Variants in CHN1 observed in about 807,000 individuals in gnomAD.
The protein encoded by CHN1 is N-chimaerin.
In CHN1, 37 loss-of-function variants were observed where a neutral mutation model predicts 59.5. The observed-to-expected ratio is 0.62, with a 90% CI of 0.48 to 0.82. The LOEUF (loss-of-function observed/expected upper bound fraction) is 0.82. CHN1 is among the 40% of genes least tolerant of loss of function. The probability of loss-of-function intolerance (pLI) is 0.00; values close to 1 mark genes in which losing one functional copy is unlikely to be tolerated. For synonymous variants in CHN1, 206 were observed against 200.4 expected, an observed-to-expected ratio of 1.03 and a Z score of -0.24; for missense variants, 469 against 571.0, an observed-to-expected ratio of 0.82 and a Z score of 1.82.
chr2:174,923,927 G>A (rs1410456550), intron 3 of CHN1, among the ~76,000 whole-genome samples: 2 of 151,980 alleles, frequency 1.3e-5, no homozygotes, highest in African/African-American at 4.8e-5. Context: ...GCACTATATC[G>A]AAAATAAAAT....
At chr2:174,882,895 A>C (rs1687778366) in intron 5 of CHN1, among the ~76,000 whole-genome samples, 1 of 152,216 alleles carries the variant, frequency 6.6e-6, no homozygotes, top group African/African-American at 2.4e-5. Context: ...TGAACTAAGG[A>C]AGGCTATGGA....
intron 3 of CHN1, among the ~76,000 whole-genome samples, chr2:174,922,267 C>T (rs910910460): frequency 6.6e-6 from 1 of 152,106 alleles, no homozygotes; most frequent in Non-Finnish European, 1.5e-5. Context: ...TCAAAAGAAC[C>T]ATTTAGTAGT....
At chr2:174,916,847 A>G (rs1284593187) in intron 4 of CHN1, among the ~76,000 whole-genome samples, 2 of 152,256 alleles carry the variant, frequency 1.3e-5, no homozygotes, top group East Asian at 1.9e-4. Flanking sequence ...TTAACTTTAC[A>G]TAATATCAAA....
At chr2:174,816,232 A>C (rs1685254830) in intron 8 of CHN1, among the ~76,000 whole-genome samples, 1 of 152,196 alleles carries the variant, frequency 6.6e-6, no homozygotes, top group Non-Finnish European at 1.5e-5. Flanking sequence ...GGTGGAGAAG[A>C]AAGTCAGGAT....
chr2:174,928,779 A>G (rs912927874), intron 3 of CHN1, among the ~76,000 whole-genome samples: 4 of 152,374 alleles, frequency 2.6e-5, no homozygotes, highest in Admixed American at 6.5e-5. Context: ...GCAGTTTTCC[A>G]TTGAAACACA....
chr2:174,850,471 T>A (rs1686692500), intron 6 of CHN1, among the ~76,000 whole-genome samples: 1 of 152,146 alleles, frequency 6.6e-6, no homozygotes, highest in African/African-American at 2.4e-5. Context: ...CTCATCTACA[T>A]AATATGAATA....
intron 3 of CHN1, among the ~76,000 whole-genome samples, chr2:174,923,975 T>G (rs1689091568): frequency 6.6e-6 from 1 of 152,202 alleles, no homozygotes; most frequent in South Asian, 2.1e-4. Context: ...TTTTTATAAT[T>G]GAAATGTCAA....
chr2:174,799,283 C>G lies in CHN1; in HGVS notation c.*833G>C. ...CAGTTTTAAATGATTATTTTAGAAG[C>G]TTATCACTTTTAACAGTAAACAAAA... On this transcript the variant is annotated 3_prime_UTR_variant, in exon 13 of 13. Transcript: ENST00000409900. The G allele has an allele frequency of 3.2e-6, 1 of 314,824 alleles. No individual in the cohort carries two copies. Among genetic ancestry groups the G allele is most frequent in the South Asian group, 3.2e-5 (1 of 31,258 alleles). 19.5% of individuals were successfully genotyped at this position (314,824 alleles called of 1,614,324 possible).
chr2:174,801,946 C>CT, intron 11 of CHN1, 134 bp from the exon 12 acceptor site: 1 of 652,070 alleles, frequency 1.5e-6, no homozygotes, highest in South Asian at 1.7e-5. Flanking sequence ...TTGTCCACAG[C>CT]TTTGGAAATT....
intron 6 of CHN1, among the ~76,000 whole-genome samples, chr2:174,872,024 G>A (rs1687425342): frequency 6.6e-6 from 1 of 152,166 alleles, no homozygotes; most frequent in Non-Finnish European, 1.5e-5. Flanking sequence ...GCTCACGTCT[G>A]TAATCCCAGC....
chr2:174,992,700 C>A (rs1315912148), intron 1 of CHN1, among the ~76,000 whole-genome samples: 1 of 152,240 alleles, frequency 6.6e-6, no homozygotes. Flanking sequence ...CTCAACCAGG[C>A]CTCCACCTTG....
intron 7 of CHN1, among the ~76,000 whole-genome samples, chr2:174,841,951 T>C (rs1686318624): frequency 6.6e-6 from 1 of 152,200 alleles, no homozygotes; most frequent in South Asian, 2.1e-4. Context: ...CTCTAGTCAA[T>C]ATCAGATAAC....
At chr2:174,935,349 AACAAATACAT>A (rs1429773534) in intron 3 of CHN1, among the ~76,000 whole-genome samples, 2 of 152,264 alleles carry the variant, frequency 1.3e-5, no homozygotes, top group Non-Finnish European at 2.9e-5. Context: ...TGACTGAATG[AACAAATACAT>A]ACATGTGACA....
chr2:174,905,421 C>T (rs1688515959), intron 5 of CHN1, among the ~76,000 whole-genome samples: 2 of 152,068 alleles, frequency 1.3e-5, no homozygotes, highest in African/African-American at 4.8e-5. Flanking sequence ...AATACAAAAG[C>T]CAAAAATATC....
intron 5 of CHN1, among the ~76,000 whole-genome samples, chr2:174,886,041 G>A (rs1487499695): frequency 6.6e-6 from 1 of 152,184 alleles, no homozygotes; most frequent in African/African-American, 2.4e-5. Context: ...TATTATAAAT[G>A]AGGTTACTAC....
At chr2:174,886,953 A>G (rs537989247) in intron 5 of CHN1, among the ~76,000 whole-genome samples, 1 of 152,292 alleles carries the variant, frequency 6.6e-6, no homozygotes, top group African/African-American at 2.4e-5. Context: ...AACATTTCCA[A>G]TACCTCCAAT....
chr2:174,905,525 G>A (rs12624191), intron 5 of CHN1, among the ~76,000 whole-genome samples: 1 of 152,078 alleles, frequency 6.6e-6, no homozygotes, highest in East Asian at 1.9e-4. Flanking sequence ...TGAATAGACA[G>A]AATACTAGTG....
At chr2:174,973,531 G>A (rs1021312682) in intron 1 of CHN1, among the ~76,000 whole-genome samples, 2 of 152,270 alleles carry the variant, frequency 1.3e-5, no homozygotes, top group African/African-American at 4.8e-5. Context: ...AGAAGACAAA[G>A]TGATGAAGAA....
chr2:174,800,771 T>C (rs1684695552), intron 12 of CHN1, among the ~76,000 whole-genome samples: 1 of 152,218 alleles, frequency 6.6e-6, no homozygotes, highest in Admixed American at 6.5e-5. Flanking sequence ...AGGGAGGGTA[T>C]GTGTTTATAT....
Sources: gnomAD v4.1 joint callset for allele counts (sites outside exome capture counted in the v4.1 genomes callset) on GRCh38, gnomAD v4.1.1 for gene constraint, MANE v1.5 for transcripts, NCBI Gene and HGNC (gene_info 2026-07-23, HGNC 2026-07-21) for gene names.